The following HMCN1 variants were observed in gnomAD, a reference collection of about 807,000 sequenced individuals.
HMCN1 encodes hemicentin 1.
A neutral mutation model predicts 625.9 loss-of-function variants in HMCN1; 321 were observed. The observed-to-expected ratio is 0.51, with a 90% CI of 0.47 to 0.56. The LOEUF is 0.56. HMCN1 is among the 20% of genes least tolerant of loss of function. The probability of loss-of-function intolerance (pLI) is 0.00; values close to 1 mark genes in which losing one functional copy is unlikely to be tolerated. For synonymous variants in HMCN1, 2,425 were observed against 2,417.6 expected (o/e 1.00, Z -0.09); for missense variants, 6,588 against 6,887.3 (o/e 0.96, Z 1.54).
Position 186,165,105 on chromosome 1 carries a change from T to A in HMCN1, c.15257-6T>A. On this transcript the variant is annotated splice_polypyrimidine_tract_variant and splice_region_variant and intron_variant, in intron 97 of 106. Transcript: ENST00000271588. ...CCAGTTAACTTTGCTTTCCTCTCTG[T>A]GGTAGGAGATCGCAGTAATCAGTGC... The A allele has an allele frequency of 6.2e-7, 1 of 1,613,822 alleles. No individual in the cohort carries two copies. The highest frequency in any genetic ancestry group is 8.5e-7 in the Non-Finnish European group (1 of 1,179,780).
At chr1:186,004,617 G>A (rs1312044666) in intron 29 of HMCN1, among the ~76,000 whole-genome samples, 2 of 152,016 alleles carry the variant, frequency 1.3e-5, no homozygotes, top group Non-Finnish European at 2.9e-5. Context: ...AGGCAAAAAA[G>A]CAAAGGTTTG....
At chr1:186,114,167 A>G in intron 73 of HMCN1, 44 bp downstream of exon 73, 1 of 1,609,000 alleles carries the variant, frequency 6.2e-7, no homozygotes. Context: ...GACCTGAAAT[A>G]CAAATTCTTA....
intron 4 of HMCN1, among the ~76,000 whole-genome samples, chr1:185,893,964 A>G (rs922617978): frequency 6.6e-6 from 1 of 152,014 alleles, no homozygotes; most frequent in Non-Finnish European, 1.5e-5. Context: ...TACTGTCATC[A>G]AAAAACATAG....
chr1:186,041,540 A>G (rs1656206843), intron 40 of HMCN1, among the ~76,000 whole-genome samples: 1 of 152,198 alleles, frequency 6.6e-6, no homozygotes, highest in Non-Finnish European at 1.5e-5. Flanking sequence ...TTTGTGATCA[A>G]TACTATGTGA....
At chr1:186,171,277 A>G in intron 100 of HMCN1, 60 bp from the exon 101 acceptor site, 2 of 1,166,982 alleles carry the variant, frequency 1.7e-6, no homozygotes, top group South Asian at 2.4e-5. Flanking sequence ...AATGTTAAAC[A>G]TTTGGGATAA....
intron 1 of HMCN1, among the ~76,000 whole-genome samples, chr1:185,750,874 G>A (rs569773660): frequency 6.7e-6 from 1 of 149,040 alleles, no homozygotes; most frequent in Non-Finnish European, 1.5e-5. Flanking sequence ...ATTACACATT[G>A]CATCTCTCTT....
At chr1:186,025,429 C>T (rs1007273926) in intron 36 of HMCN1, among the ~76,000 whole-genome samples, 3 of 152,174 alleles carry the variant, frequency 2.0e-5, no homozygotes, top group Non-Finnish European at 4.4e-5. Context: ...AAACATACAG[C>T]TTCCTGGGCC....
At chr1:186,130,343 T>C (rs186699520) in intron 84 of HMCN1, among the ~76,000 whole-genome samples, 164 bp from the exon 85 acceptor site, 2 of 152,264 alleles carry the variant, frequency 1.3e-5, no homozygotes, top group African/African-American at 4.8e-5. Context: ...ATTGACAAAA[T>C]TATCTGGTGA....
At chr1:186,112,771 C>A (rs1292712058) in intron 71 of HMCN1, 41 bp from the exon 72 acceptor site, 9 of 1,611,490 alleles carry the variant, frequency 5.6e-6, no homozygotes, top group Non-Finnish European at 7.6e-6. Context: ...TTCTCTTTTC[C>A]TGACATTTTA....
rs936274915 is a variant in HMCN1, at chr1:186,076,291, G to T, written c.8291-137G>T. ...ACTTTTTTGGCTAAGGGCTAGAGTTGGTGGTGGCGTCAGTACTTGAAATTA... is the reference window on the plus strand; with the variant it reads ...ACTTTTTTGGCTAAGGGCTAGAGTTTGTGGTGGCGTCAGTACTTGAAATTA... On this transcript the variant is annotated intron_variant, in intron 53 of 106. Transcript: ENST00000271588. 8.1e-6 allele frequency: 7 copies of T among 859,134 alleles called. No individual in the cohort carries two copies. In the African/African-American group the frequency reaches 8.4e-5, roughly 10 times the overall value. 53.2% of individuals were successfully genotyped at this position (859,134 alleles called of 1,614,324 possible).
intron 1 of HMCN1, among the ~76,000 whole-genome samples, chr1:185,758,116 A>G (rs1244069773): frequency 3.9e-5 from 6 of 152,214 alleles, no homozygotes; most frequent in African/African-American, 1.4e-4. Context: ...CAATCGTGTC[A>G]TTTGGACTGT....
chr1:185,917,165 A>G (rs942625026), intron 6 of HMCN1, among the ~76,000 whole-genome samples: 1 of 152,164 alleles, frequency 6.6e-6, no homozygotes, highest in Non-Finnish European at 1.5e-5. Flanking sequence ...GAAATTGAAA[A>G]ATGCCAAAAA....
At chr1:185,890,037 G>C (rs1225859392) in intron 4 of HMCN1, among the ~76,000 whole-genome samples, 1 of 151,380 alleles carries the variant, frequency 6.6e-6, no homozygotes, top group African/African-American at 2.5e-5. Flanking sequence ...GTTTAGTCTT[G>C]GGAGAGTGTA....
chr1:185,815,497 G>A (rs79183837), intron 1 of HMCN1, among the ~76,000 whole-genome samples: 1,952 of 150,138 alleles, frequency 0.013, 48 homozygotes, highest in Admixed American at 0.021. Flanking sequence ...TGTACTCCAG[G>A]AAGATTTGTT....
intron 1 of HMCN1, among the ~76,000 whole-genome samples, chr1:185,811,554 C>A (rs1467573955): frequency 1.3e-5 from 2 of 151,970 alleles, no homozygotes; most frequent in Admixed American, 1.3e-4. Context: ...CACCACTGCA[C>A]CACTGTGCTC....
At chr1:186,175,044 G>A (rs140648805) in intron 103 of HMCN1, among the ~76,000 whole-genome samples, 61 of 152,244 alleles carry the variant, frequency 4.0e-4, no homozygotes, top group African/African-American at 1.3e-3. Flanking sequence ...TAGGTGTGAG[G>A]TATTAAAATA....
chr1:185,735,543 A>G (rs1557929401), intron 1 of HMCN1, among the ~76,000 whole-genome samples: 1 of 152,196 alleles, frequency 6.6e-6, no homozygotes, highest in East Asian at 1.9e-4. Flanking sequence ...GTGGAACTGA[A>G]GACATGAAAA....
intron 1 of HMCN1, among the ~76,000 whole-genome samples, chr1:185,759,028 G>A (rs1270057403): frequency 6.6e-6 from 1 of 152,104 alleles, no homozygotes; most frequent in Non-Finnish European, 1.5e-5. Flanking sequence ...TACTACTGAA[G>A]GTGATGGTTG....
intron 64 of HMCN1, among the ~76,000 whole-genome samples, chr1:186,092,108 A>AT (rs1307641016): frequency 6.6e-6 from 1 of 151,908 alleles, no homozygotes; most frequent in Non-Finnish European, 1.5e-5. Flanking sequence ...GATAGTATTC[A>AT]TAGCTAGGAA....
Sources: gnomAD v4.1 joint callset for allele counts (sites outside exome capture counted in the v4.1 genomes callset) on GRCh38, gnomAD v4.1.1 for gene constraint, MANE v1.5 for transcripts, NCBI Gene and HGNC (gene_info 2026-07-23, HGNC 2026-07-21) for gene names.